The following IMMP2L variants were observed in gnomAD, a reference collection of about 807,000 sequenced individuals.
IMMP2L encodes mitochondrial inner membrane protease subunit 2.
In IMMP2L, 18 loss-of-function variants were observed where a neutral mutation model predicts 19.3. That is an observed-to-expected ratio of 0.93 (90% CI 0.64 to 1.38). The LOEUF (loss-of-function observed/expected upper bound fraction) is 1.38. IMMP2L is among the 40% of genes most tolerant of loss of function. IMMP2L has a pLI of 0.00. For missense variants in IMMP2L, 233 were observed against 218.2 expected (o/e 1.07, Z -0.43); for synonymous variants, 76 against 73.0 (o/e 1.04, Z -0.21).
At chr7:111,023,708 A>G (rs1270907881) in intron 3 of IMMP2L, among the ~76,000 whole-genome samples, 2 of 151,930 alleles carry the variant, frequency 1.3e-5, no homozygotes, top group African/African-American at 2.4e-5. Flanking sequence ...ACTCCATCTT[A>G]AAACAAAACA....
chr7:110,755,741 G>A (rs531543653), intron 5 of IMMP2L, among the ~76,000 whole-genome samples: 1 of 152,206 alleles, frequency 6.6e-6, no homozygotes, highest in African/African-American at 2.4e-5. Flanking sequence ...GCGGAAGTTT[G>A]CTGGGTTGAT....
chr7:111,444,051 A>C (rs915644712), intron 3 of IMMP2L, among the ~76,000 whole-genome samples: 6 of 152,190 alleles, frequency 3.9e-5, no homozygotes, highest in African/African-American at 1.4e-4. Flanking sequence ...GCTTGCTATG[A>C]AAGTATCTTT....
chr7:110,992,452 T>A (rs1371793082), intron 3 of IMMP2L, among the ~76,000 whole-genome samples: 3 of 151,974 alleles, frequency 2.0e-5, no homozygotes, highest in Non-Finnish European at 4.4e-5. Context: ...ATAGGTATAA[T>A]AATAATGCAT....
At chr7:111,545,194 T>C (rs554039671) in intron 1 of IMMP2L, among the ~76,000 whole-genome samples, 5 of 152,136 alleles carry the variant, frequency 3.3e-5, no homozygotes, top group Non-Finnish European at 7.4e-5. Context: ...TGCCCATAGA[T>C]GCTTCCAAAA....
intron 3 of IMMP2L, among the ~76,000 whole-genome samples, chr7:111,066,738 G>A (rs1232078860): frequency 2.6e-5 from 4 of 152,170 alleles, no homozygotes; most frequent in Admixed American, 6.5e-5. Flanking sequence ...CTAGGCCCCC[G>A]AAATGTCAGG....
At chr7:110,718,326 T>C (rs1795356929) in intron 5 of IMMP2L, among the ~76,000 whole-genome samples, 1 of 152,202 alleles carries the variant, frequency 6.6e-6, no homozygotes, top group Non-Finnish European at 1.5e-5. Context: ...GTAGGAATTC[T>C]GAAGAGAGTG....
intron 4 of IMMP2L, among the ~76,000 whole-genome samples, chr7:110,917,103 C>T (rs1418408441): frequency 2.0e-5 from 3 of 151,982 alleles, no homozygotes; most frequent in Admixed American, 6.6e-5. Flanking sequence ...AAAAAACACA[C>T]GTGGGAGAAA....
chr7:111,442,205 T>TA (rs1434878184), intron 3 of IMMP2L, among the ~76,000 whole-genome samples: 1 of 151,800 alleles, frequency 6.6e-6, no homozygotes, highest in African/African-American at 2.4e-5. Context: ...GCCATACAGT[T>TA]AAGCGTTCAC....
chr7:111,555,466 A>G (rs1791174399), intron 1 of IMMP2L, among the ~76,000 whole-genome samples: 1 of 152,142 alleles, frequency 6.6e-6, no homozygotes, highest in African/African-American at 2.4e-5. Flanking sequence ...TCACAAAAAA[A>G]AAAATATGAC....
intron 4 of IMMP2L, among the ~76,000 whole-genome samples, chr7:110,912,374 A>C (rs1026997247): frequency 6.6e-6 from 1 of 152,128 alleles, no homozygotes; most frequent in Non-Finnish European, 1.5e-5. Context: ...CTTAAAAATT[A>C]TAATACATTC....
At chr7:110,918,460 T>G (rs28570414) in intron 4 of IMMP2L, among the ~76,000 whole-genome samples, 1 of 150,656 alleles carries the variant, frequency 6.6e-6, no homozygotes, top group East Asian at 1.9e-4. Context: ...TTCTTTTTTT[T>G]TTTTTTTTTG....
intron 3 of IMMP2L, among the ~76,000 whole-genome samples, chr7:111,347,841 C>T (rs981263238): frequency 6.6e-6 from 1 of 152,034 alleles, no homozygotes; most frequent in Non-Finnish European, 1.5e-5. Context: ...AGTTCCCCAC[C>T]TTTCCTCTTT....
At chr7:110,739,334 A>T (rs1796843515) in intron 5 of IMMP2L, among the ~76,000 whole-genome samples, 1 of 152,172 alleles carries the variant, frequency 6.6e-6, no homozygotes, top group African/African-American at 2.4e-5. Flanking sequence ...CTAACACACA[A>T]GGATTCACAT....
chr7:111,154,023 T>C (rs1320056137), intron 3 of IMMP2L, among the ~76,000 whole-genome samples: 2 of 152,114 alleles, frequency 1.3e-5, no homozygotes, highest in Non-Finnish European at 2.9e-5. Flanking sequence ...AGTTTTTTAC[T>C]AACAAGGCTC....
At chr7:111,283,188 A>G (rs1410167629) in intron 3 of IMMP2L, among the ~76,000 whole-genome samples, 6 of 152,212 alleles carry the variant, frequency 3.9e-5, no homozygotes, top group Non-Finnish European at 8.8e-5. Flanking sequence ...ATAAATAGGT[A>G]GAAATTAACC....
chr7:111,331,529 G>A (rs1825874335), intron 3 of IMMP2L, among the ~76,000 whole-genome samples: 1 of 151,706 alleles, frequency 6.6e-6, no homozygotes, highest in South Asian at 2.1e-4. Flanking sequence ...ATAGAGTACT[G>A]CACATCTTAA....
intron 3 of IMMP2L, among the ~76,000 whole-genome samples, chr7:111,175,348 T>G (rs1196549840): frequency 6.6e-6 from 1 of 151,886 alleles, no homozygotes. Context: ...TCAATGAGAC[T>G]GTCTATTCTT....
intron 4 of IMMP2L, among the ~76,000 whole-genome samples, chr7:110,960,995 C>T (rs1818872351): frequency 1.3e-5 from 2 of 151,882 alleles, no homozygotes; most frequent in African/African-American, 4.8e-5. Context: ...TTCTACTTCT[C>T]ACCCACTAGG....
At chr7:110,690,516 A>C (rs193062303) in intron 5 of IMMP2L, among the ~76,000 whole-genome samples, 2 of 152,244 alleles carry the variant, frequency 1.3e-5, no homozygotes, top group Non-Finnish European at 2.9e-5. Context: ...AAGTCAGACT[A>C]TCTCTATTTG....
Sources: allele counts gnomAD v4.1 joint callset (sites outside exome capture counted in the v4.1 genomes callset), GRCh38; gene constraint gnomAD v4.1.1; transcripts MANE v1.5; gene names NCBI Gene and HGNC (gene_info 2026-07-23, HGNC 2026-07-21).